DYM: variants seen among roughly 807,000 people sequenced by gnomAD.
DYM encodes dyggve-Melchior-Clausen syndrome protein.
In DYM, 78 loss-of-function variants were observed where a neutral mutation model predicts 93.1. The ratio of observed to expected loss-of-function variants is 0.84; its 90% CI spans 0.70 to 1.01. DYM has a LOEUF of 1.01. Ranked by LOEUF, DYM falls within the 50% of genes least tolerant of loss-of-function variation. The pLI is 0.00. For synonymous variants in DYM, 321 were observed against 319.7 expected, an observed-to-expected ratio of 1.00 and a Z score of -0.04; for missense variants, 789 against 845.0, an observed-to-expected ratio of 0.93 and a Z score of 0.82.
intron 1 of DYM, among the ~76,000 whole-genome samples, chr18:49,444,634 T>G (rs1035117463): frequency 6.6e-6 from 1 of 152,218 alleles, no homozygotes; most frequent in Non-Finnish European, 1.5e-5. Context: ...CAGTATTTTT[T>G]CATACCTCAA....
intron 11 of DYM, among the ~76,000 whole-genome samples, chr18:49,270,367 T>C (rs1599022287): frequency 6.6e-6 from 1 of 152,200 alleles, no homozygotes; most frequent in Admixed American, 6.5e-5. Flanking sequence ...CACATATATG[T>C]GGATTATCTT....
chr18:49,404,102 G>T (rs371433060), intron 2 of DYM, among the ~76,000 whole-genome samples: 2 of 152,186 alleles, frequency 1.3e-5, no homozygotes, highest in African/African-American at 2.4e-5. Context: ...CCGCCTCCCG[G>T]ATTCAAGCAA....
intron 11 of DYM, among the ~76,000 whole-genome samples, 171 bp downstream of exon 11, chr18:49,272,007 A>G (rs75928777): frequency 0.035 from 105 of 3,028 alleles, no homozygotes; most frequent in Admixed American, 0.061. Flanking sequence ...GTCATTCTGG[A>G]AAAAAAAAAA....
chr18:49,313,487 A>G (rs2061733525), intron 8 of DYM, among the ~76,000 whole-genome samples: 1 of 139,944 alleles, frequency 7.1e-6, no homozygotes, highest in African/African-American at 2.6e-5. Context: ...AAAAAAAAAA[A>G]AAAAAAAAAA....
At chr18:49,379,532 T>G in intron 4 of DYM, 133 bp downstream of exon 4, 1 of 800,346 alleles carries the variant, frequency 1.2e-6, no homozygotes, top group Non-Finnish European at 2.0e-6. Flanking sequence ...CCTCTCTACC[T>G]TTTTTTCTTA....
intron 7 of DYM, 43 bp from the exon 8 acceptor site, chr18:49,332,049 G>A (rs1171689725): frequency 1.3e-6 from 2 of 1,575,930 alleles, no homozygotes; most frequent in Admixed American, 1.7e-5. Context: ...ATTTATGGGA[G>A]TCATCTAATT....
chr18:49,375,248 C>A (rs2067394462), intron 5 of DYM, among the ~76,000 whole-genome samples: 1 of 148,084 alleles, frequency 6.8e-6, no homozygotes, highest in African/African-American at 2.5e-5. Context: ...CTACCTTGGG[C>A]TTTAGAAGAA....
intron 14 of DYM, among the ~76,000 whole-genome samples, chr18:49,197,260 A>T (rs1406625162): frequency 6.6e-6 from 1 of 151,370 alleles, no homozygotes; most frequent in African/African-American, 2.4e-5. Flanking sequence ...AAATTGATGA[A>T]AATGGCTAAG....
chr18:49,367,297 C>T (rs2066613010), intron 5 of DYM, among the ~76,000 whole-genome samples: 3 of 152,222 alleles, frequency 2.0e-5, no homozygotes, highest in African/African-American at 7.2e-5. Flanking sequence ...GGAGTTTTCT[C>T]ACTCTAAAGC....
At chr18:49,441,819 G>C (rs1235067757) in intron 1 of DYM, among the ~76,000 whole-genome samples, 1 of 152,100 alleles carries the variant, frequency 6.6e-6, no homozygotes, top group Admixed American at 6.6e-5. Context: ...ACGGGGCAAG[G>C]TGCAGGACTA....
chr18:49,166,597 G>C (rs1304075917), intron 14 of DYM, among the ~76,000 whole-genome samples: 1 of 150,596 alleles, frequency 6.6e-6, no homozygotes, highest in Admixed American at 6.6e-5. Context: ...TATTTTGCAG[G>C]AGATGCAAAA....
chr18:49,102,377 T>C (rs563671360), intron 16 of DYM, among the ~76,000 whole-genome samples: 2 of 152,334 alleles, frequency 1.3e-5, no homozygotes, highest in Admixed American at 1.3e-4. Flanking sequence ...CATGGGTGTA[T>C]TGTTCAATTT....
chr18:49,435,605 T>A (rs1401571516), intron 1 of DYM, among the ~76,000 whole-genome samples: 2 of 151,898 alleles, frequency 1.3e-5, no homozygotes, highest in South Asian at 4.2e-4. Context: ...CTGGCCAACA[T>A]AGTGAAACCC....
intron 2 of DYM, among the ~76,000 whole-genome samples, chr18:49,401,697 C>G: frequency 6.6e-6 from 1 of 152,002 alleles, no homozygotes; most frequent in South Asian, 2.1e-4. Flanking sequence ...TTGGGCTACC[C>G]GGAAGATAAT....
At chr18:49,405,472 T>C (rs2071370849) in intron 2 of DYM, among the ~76,000 whole-genome samples, 1 of 152,236 alleles carries the variant, frequency 6.6e-6, no homozygotes, top group Non-Finnish European at 1.5e-5. Context: ...TGGTCAGCTA[T>C]TCCAGAACCA....
chr18:49,363,016 A>C lies in DYM; in HGVS notation c.494+145T>G, dbSNP rs2066170419. The C allele has an allele frequency of 7.3e-6, 5 of 681,854 alleles. No individual in the cohort carries two copies. In the East Asian group the frequency reaches 1.1e-4, roughly 15 times the overall value. 42.2% of individuals were successfully genotyped at this position (681,854 alleles called of 1,614,324 possible). A position where few individuals can be genotyped will look rare whatever the true frequency, so the allele number is the denominator to read the frequency against. On this transcript the variant is annotated intron_variant, in intron 6 of 17. Transcript: ENST00000675505. ...AATAGTCAGTCTAAATATTAGGTAGAGAGAAAAGAACTCTGTGGATATAGA... is the reference window on the plus strand; with the variant it reads ...AATAGTCAGTCTAAATATTAGGTAGCGAGAAAAGAACTCTGTGGATATAGA...
At chr18:49,183,443 A>C (rs538151888) in intron 14 of DYM, among the ~76,000 whole-genome samples, 1 of 151,266 alleles carries the variant, frequency 6.6e-6, no homozygotes, top group East Asian at 2.0e-4. Context: ...ATTCCTGCAC[A>C]CTCCATTCTG....
chr18:49,098,833 T>C (rs746321435), intron 16 of DYM, among the ~76,000 whole-genome samples: 19 of 152,160 alleles, frequency 1.2e-4, no homozygotes, highest in Admixed American at 3.9e-4. Flanking sequence ...TGAATAAATA[T>C]CTGAAAAAAG....
At chr18:49,319,090 C>T (rs890233266) in intron 8 of DYM, among the ~76,000 whole-genome samples, 2 of 152,092 alleles carry the variant, frequency 1.3e-5, no homozygotes, top group Non-Finnish European at 2.9e-5. Flanking sequence ...CAGGCGTGAG[C>T]CACGCAACCG....
Sources: allele counts gnomAD v4.1 joint callset (sites outside exome capture counted in the v4.1 genomes callset), GRCh38; gene constraint gnomAD v4.1.1; transcripts MANE v1.5; gene names NCBI Gene and HGNC (gene_info 2026-07-23, HGNC 2026-07-21).